The following PDPR variants were observed in gnomAD, a reference collection of about 807,000 sequenced individuals.
PDPR encodes pyruvate dehydrogenase phosphatase regulatory subunit, mitochondrial.
A neutral mutation model predicts 102.2 loss-of-function variants in PDPR; 50 were observed. The ratio of observed to expected loss-of-function variants is 0.49; its 90% CI spans 0.39 to 0.62. PDPR has a LOEUF of 0.62. Among genes scored for constraint, PDPR ranks in the 20% least tolerant of loss-of-function variants. PDPR has a pLI of 0.00. For synonymous variants in PDPR, 259 were observed against 406.0 expected, an observed-to-expected ratio of 0.64 and a Z score of 4.35; for missense variants, 625 against 1,098.2, an observed-to-expected ratio of 0.57 and a Z score of 6.09.
At position 70,157,638 on chromosome 16, in the gene PDPR, A is replaced by G. The variant is rs950396545; in HGVS notation, c.*759A>G. ...TCTTAGTTGAGTAAACAAGTAAGCC[A>G]CAGTGTTTGAAAGGGAAAAACCATA... is the stretch of plus-strand genomic sequence containing the variant. On this transcript the variant is annotated 3_prime_UTR_variant, in exon 19 of 19. Transcript: ENST00000288050. The G allele has an allele frequency of 1.2e-5, 2 of 171,816 alleles. No individual in the cohort carries two copies. Among genetic ancestry groups the G allele is most frequent in the Non-Finnish European group, 2.5e-5 (2 of 79,656 alleles). The allele number at this position is 171,816 out of a possible 1,614,324, so 10.6% of individuals were successfully genotyped here.
intron 11 of PDPR, among the ~76,000 whole-genome samples, chr16:70,139,314 C>T (rs1965482091): frequency 6.6e-6 from 1 of 152,218 alleles, no homozygotes; most frequent in Non-Finnish European, 1.5e-5. Context: ...TGCCTTCTTC[C>T]CGGTCTGCCT....
chr16:70,126,039 T>C (rs1281112833), intron 3 of PDPR, among the ~76,000 whole-genome samples: 12 of 152,286 alleles, frequency 7.9e-5, no homozygotes, highest in Non-Finnish European at 1.0e-4. Context: ...TTTGTGTATA[T>C]GTGTATGGAT....
At chr16:70,124,611 G>A (rs1181762856) in intron 3 of PDPR, among the ~76,000 whole-genome samples, 7 of 152,268 alleles carry the variant, frequency 4.6e-5, no homozygotes, top group Non-Finnish European at 8.8e-5. Flanking sequence ...CTTCCCCGGG[G>A]ACTCTAATGT....
At chr16:70,114,607 G>A (rs1962442432) in intron 1 of PDPR, among the ~76,000 whole-genome samples, 167 bp downstream of exon 1, 1 of 152,256 alleles carries the variant, frequency 6.6e-6, no homozygotes, top group South Asian at 2.1e-4. Context: ...TCGCGTCCGG[G>A]CGCCAGTACT....
At chr16:70,116,757 G>T (rs557363844) in intron 2 of PDPR, among the ~76,000 whole-genome samples, 27 of 152,184 alleles carry the variant, frequency 1.8e-4, no homozygotes, top group Admixed American at 7.8e-4. Context: ...TGCCAGGCTG[G>T]TCTCCAACTT....
Position 70,156,729 on chromosome 16 carries a change from G to A in PDPR, c.2490G>A (p.Val830=), listed in dbSNP as rs373160172. Residue 830 remains valine (V), a synonymous_variant, in exon 19 of 19, where the codon GTG becomes GTA. Coordinates refer to ENST00000288050, the MANE Select transcript of PDPR (RefSeq NM_017990.5). ...AGGACACGGGGGAAGAGCAAGTGGT[G>A]ACAGCAGATTTCATCAACCGGGGAG... ...FSEDTGEEQV[V]TADFINRGEY... is the part of the protein sequence containing the mutation. The A allele has an allele frequency of 6.2e-7, 1 of 1,613,954 alleles. No individual in the cohort carries two copies. The highest frequency in any genetic ancestry group is 1.1e-5 in the South Asian group (1 of 91,092).
chr16:70,144,046 C>G, intron 14 of PDPR, among the ~76,000 whole-genome samples: 1 of 152,218 alleles, frequency 6.6e-6, no homozygotes, highest in South Asian at 2.1e-4. Context: ...TACACGCCAC[C>G]ACACCCAGCC....
At position 70,135,371 on chromosome 16, in the gene PDPR, G is replaced by C. The variant is rs1448565268; in HGVS notation, c.998-823G>C. The stretch of plus-strand genomic sequence containing the variant: ...TCTGCCTCAGCCTCCCGAGTAGCTG[G>C]GGTTACAGGCTTCCACCATCACGAC... On this transcript the variant is annotated intron_variant, in intron 9 of 18. Transcript: ENST00000288050. 3.9e-5 allele frequency among the ~76,000 whole-genome samples: 6 copies of C among 152,228 alleles called. No homozygotes were observed. The East Asian group carries it at 9.6e-4, about 24-fold the overall frequency.
upstream of PDPR, chr16:70,114,199 A>C (rs114370408): frequency 6.6e-6 from 1 of 152,186 alleles, no homozygotes; most frequent in Admixed American, 6.5e-5. Flanking sequence ...GGCTCCGCGA[A>C]GGCGTCACGG....
At chr16:70,141,412 A>G (rs111489395) in intron 11 of PDPR, among the ~76,000 whole-genome samples, 1,151 of 151,520 alleles carry the variant, frequency 7.6e-3, no homozygotes, top group East Asian at 0.041. Context: ...ACAATACAAT[A>G]TAACTTCTCA....
In PDPR at chr16:70,131,913, G is replaced by A. The variant is rs1403544362; in HGVS notation, c.848-238G>A. ...TTGTGGGGACTAGTCAAAGCTTCTA[G>A]GTAAGGGATAATCAGAGAAACAGTC... On this transcript the variant is annotated intron_variant, in intron 8 of 18. Coordinates refer to ENST00000288050, the MANE Select transcript of PDPR (RefSeq NM_017990.5). The A allele has an allele frequency of 9.5e-6, 14 of 1,469,910 alleles. 1 individual carries two copies. In the South Asian group the frequency reaches 1.3e-4, roughly 14 times the overall value. The allele number at this position is 1,469,910 out of a possible 1,614,324, so 91.1% of individuals were successfully genotyped here.
intron 18 of PDPR, among the ~76,000 whole-genome samples, chr16:70,155,230 AAAG>A (rs1967004936): frequency 6.6e-6 from 1 of 152,116 alleles, no homozygotes; most frequent in Admixed American, 6.6e-5. Flanking sequence ...TGGAAAATAT[AAAG>A]AAGGAAATTA....
chr16:70,130,259 C>T (rs1428305451), intron 6 of PDPR, among the ~76,000 whole-genome samples, 164 bp from the exon 7 acceptor site: 2 of 152,272 alleles, frequency 1.3e-5, no homozygotes, highest in African/African-American at 4.8e-5. Context: ...CTACACTCCA[C>T]CCTTGGCGAC....
intron 17 of PDPR, among the ~76,000 whole-genome samples, chr16:70,150,394 GC>G (rs1299128646): frequency 1.6e-5 from 2 of 128,418 alleles, no homozygotes; most frequent in Admixed American, 7.7e-5. Flanking sequence ...GTGAGCCACC[GC>G]ACCCGGGCCC....
chr16:70,154,963 G>A (rs553096566), intron 18 of PDPR, among the ~76,000 whole-genome samples: 1 of 152,162 alleles, frequency 6.6e-6, no homozygotes, highest in Non-Finnish European at 1.5e-5. Context: ...TTTTTGTTTT[G>A]GGCGGATCAC....
At chr16:70,119,150 A>G (rs62053469) in intron 2 of PDPR, among the ~76,000 whole-genome samples, 1 of 151,668 alleles carries the variant, frequency 6.6e-6, no homozygotes, top group African/African-American at 2.4e-5. Context: ...TGTTTTGCTG[A>G]TAGATTAAGT....
At chr16:70,140,232 T>C (rs1168640532) in intron 11 of PDPR, among the ~76,000 whole-genome samples, 47 of 152,208 alleles carry the variant, frequency 3.1e-4, no homozygotes, top group Non-Finnish European at 5.9e-4. Flanking sequence ...TCCCAGCTAC[T>C]TGGGAGGCTG....
chr16:70,122,466 G>T (rs868533564), intron 3 of PDPR, among the ~76,000 whole-genome samples: 1 of 152,270 alleles, frequency 6.6e-6, no homozygotes. Flanking sequence ...CAGAAATTAG[G>T]CTGGACTCTC....
intron 2 of PDPR, among the ~76,000 whole-genome samples, chr16:70,118,660 G>T (rs1962902587): frequency 6.6e-6 from 1 of 152,130 alleles, no homozygotes; most frequent in Non-Finnish European, 1.5e-5. Flanking sequence ...TGCAGTAGAG[G>T]GGCTTGAAGG....
Sources: allele counts gnomAD v4.1 joint callset (sites outside exome capture counted in the v4.1 genomes callset), GRCh38; gene constraint gnomAD v4.1.1; transcripts MANE v1.5; gene names NCBI Gene and HGNC (gene_info 2026-07-23, HGNC 2026-07-21).